USP34: variants seen among roughly 807,000 people sequenced by gnomAD.
USP34 encodes the protein ubiquitin carboxyl-terminal hydrolase 34.
Under a neutral mutation model 460.3 loss-of-function variants are expected in USP34, and 70 were observed. That is an observed-to-expected ratio of 0.15 (90% CI 0.13 to 0.19). USP34 has a LOEUF of 0.19. USP34 is among the 10% of genes least tolerant of loss of function. The pLI is 1.00. For missense variants in USP34, 3,985 were observed against 4,236.2 expected, an observed-to-expected ratio of 0.94 and a Z score of 1.65; for synonymous variants, 1,647 against 1,405.3, an observed-to-expected ratio of 1.17 and a Z score of -3.85.
intron 10 of USP34, among the ~76,000 whole-genome samples, chr2:61,360,539 A>C (rs1288021270): frequency 1.3e-5 from 2 of 152,254 alleles, no homozygotes; most frequent in Non-Finnish European, 2.9e-5. Context: ...GAAGGAAATT[A>C]AAGAAGAAAC....
chr2:61,315,855 T>C (rs1361600702), intron 23 of USP34, among the ~76,000 whole-genome samples: 2 of 152,034 alleles, frequency 1.3e-5, no homozygotes, highest in Non-Finnish European at 2.9e-5. Context: ...GGTAAACTTA[T>C]TTCATAACAG....
chr2:61,230,688 C>G (rs1322700804), intron 58 of USP34, among the ~76,000 whole-genome samples: 2 of 151,558 alleles, frequency 1.3e-5, no homozygotes, highest in Non-Finnish European at 2.9e-5. Context: ...ACTAAAAATA[C>G]AAAAAATTAG....
chr2:61,267,923 T>G (rs1452538100), intron 41 of USP34, among the ~76,000 whole-genome samples: 2 of 151,194 alleles, frequency 1.3e-5, no homozygotes, highest in East Asian at 3.9e-4. Flanking sequence ...CCCAGTTAAT[T>G]TTTTGTATTT....
chr2:61,459,954 C>G (rs552663370), intron 1 of USP34, among the ~76,000 whole-genome samples: 18 of 152,112 alleles, frequency 1.2e-4, no homozygotes, highest in African/African-American at 4.3e-4. Flanking sequence ...CCCAGCCACT[C>G]GGGTGGCTGA....
intron 72 of USP34, among the ~76,000 whole-genome samples, chr2:61,204,914 T>C (rs376868658): frequency 2.2e-4 from 33 of 152,246 alleles, no homozygotes; most frequent in South Asian, 8.3e-4. Flanking sequence ...TGGAGTGCAG[T>C]GGTGCAATCA....
intron 75 of USP34, among the ~76,000 whole-genome samples, chr2:61,198,930 G>C (rs994275902): frequency 4.6e-5 from 7 of 152,056 alleles, no homozygotes; most frequent in African/African-American, 1.4e-4. Context: ...ACACTTTTTT[G>C]TGTCTAAACT....
chr2:61,436,203 T>C (rs541812270), intron 1 of USP34, among the ~76,000 whole-genome samples: 20 of 151,432 alleles, frequency 1.3e-4, no homozygotes, highest in Non-Finnish European at 2.9e-5. Flanking sequence ...CAGTGGCTCA[T>C]GCTGTAATCT....
At chr2:61,192,498 G>C (rs1422659991) in intron 76 of USP34, among the ~76,000 whole-genome samples, 1 of 152,194 alleles carries the variant, frequency 6.6e-6, no homozygotes, top group African/African-American at 2.4e-5. Context: ...CTAAAGGACA[G>C]ACTGCTGACA....
intron 10 of USP34, among the ~76,000 whole-genome samples, chr2:61,360,113 G>GA (rs1038051711): frequency 5.3e-5 from 8 of 151,858 alleles, no homozygotes; most frequent in African/African-American, 1.9e-4. Flanking sequence ...AATCAGTAAG[G>GA]AAAAACTGAA....
intron 21 of USP34, among the ~76,000 whole-genome samples, chr2:61,320,617 C>G (rs1336182090): frequency 2.0e-5 from 3 of 152,162 alleles, no homozygotes; most frequent in Non-Finnish European, 4.4e-5. Context: ...TGTAATCCAG[C>G]ACTTTGGGAG....
chr2:61,435,060 T>A (rs762134256), intron 1 of USP34, among the ~76,000 whole-genome samples: 8 of 151,918 alleles, frequency 5.3e-5, no homozygotes, highest in Non-Finnish European at 8.8e-5. Flanking sequence ...TCTCAGCACT[T>A]TGGGAGGCCA....
chr2:61,353,132 G>T (rs1368328554), intron 10 of USP34, among the ~76,000 whole-genome samples: 1 of 152,180 alleles, frequency 6.6e-6, no homozygotes, highest in Non-Finnish European at 1.5e-5. Context: ...TTCTGGTACA[G>T]CTTCTGGAGA....
chr2:61,216,979 TTTGAG>T (rs1231351866), intron 67 of USP34, among the ~76,000 whole-genome samples: 5 of 151,930 alleles, frequency 3.3e-5, no homozygotes, highest in Admixed American at 6.6e-5. Flanking sequence ...TCAACATTTC[TTTGAG>T]TTATTTTTTT....
At chr2:61,257,145 T>G in intron 45 of USP34, 37 bp from the exon 46 acceptor site, 2 of 1,580,280 alleles carry the variant, frequency 1.3e-6, no homozygotes, top group South Asian at 1.2e-5. Flanking sequence ...AGAAACTAGT[T>G]AAAACGCAGG....
At chr2:61,223,197 C>G (rs368856436) in intron 63 of USP34, 33 bp from the exon 64 acceptor site, 88 of 1,612,368 alleles carry the variant, frequency 5.5e-5, no homozygotes, top group Admixed American at 1.2e-4. Flanking sequence ...ATTTAAGAAC[C>G]GTTATTATTT....
chr2:61,417,730 T>TTC (rs397704095), intron 2 of USP34, among the ~76,000 whole-genome samples: 2 of 132,746 alleles, frequency 1.5e-5, no homozygotes, highest in African/African-American at 5.5e-5. Flanking sequence ...TTTTTTTTTT[T>TTC]CTTTTTTTCT....
chr2:61,357,292 G>A (rs927448399), intron 10 of USP34, among the ~76,000 whole-genome samples: 1 of 152,048 alleles, frequency 6.6e-6, no homozygotes, highest in African/African-American at 2.4e-5. Flanking sequence ...AGGAAAACTG[G>A]ACAACGCACA....
intron 8 of USP34, among the ~76,000 whole-genome samples, chr2:61,377,770 A>G (rs893318791): frequency 6.6e-6 from 1 of 152,242 alleles, no homozygotes; most frequent in Non-Finnish European, 1.5e-5. Context: ...GGACTAAGAC[A>G]GTGTACTTTC....
At chr2:61,414,661 T>C (rs1694143322) in intron 2 of USP34, among the ~76,000 whole-genome samples, 1 of 152,106 alleles carries the variant, frequency 6.6e-6, no homozygotes, top group Non-Finnish European at 1.5e-5. Flanking sequence ...GAGGAAAGAA[T>C]AAAACAACAA....
Sources: gnomAD v4.1 joint callset for allele counts (sites outside exome capture counted in the v4.1 genomes callset) on GRCh38, gnomAD v4.1.1 for gene constraint, MANE v1.5 for transcripts, NCBI Gene and HGNC (gene_info 2026-07-23, HGNC 2026-07-21) for gene names.